The following TFG variants were observed in gnomAD, a reference collection of about 807,000 sequenced individuals.
The protein encoded by TFG is protein TFG.
A neutral mutation model predicts 51.4 loss-of-function variants in TFG; 22 were observed. The ratio of observed to expected loss-of-function variants is 0.43; its 90% CI spans 0.31 to 0.61. The LOEUF (loss-of-function observed/expected upper bound fraction) is 0.61. Ranked by LOEUF, TFG falls within the 20% of genes least tolerant of loss-of-function variation. The pLI, the probability that TFG is intolerant of heterozygous loss-of-function variation, is 0.12. For missense variants in TFG, 419 were observed against 487.7 expected (o/e 0.86, Z 1.33); for synonymous variants, 187 against 165.6 (o/e 1.13, Z -0.99).
chr3:100,733,388 T>G (rs1311368750), intron 5 of TFG, among the ~76,000 whole-genome samples: 1 of 152,206 alleles, frequency 6.6e-6, no homozygotes, highest in Admixed American at 6.5e-5. Flanking sequence ...GTGAATTGTT[T>G]AATTGTGCTT....
chr3:100,725,157 C>G (rs1017768376), intron 3 of TFG, among the ~76,000 whole-genome samples: 5 of 152,070 alleles, frequency 3.3e-5, no homozygotes, highest in African/African-American at 1.2e-4. Flanking sequence ...CTGCCTGCCT[C>G]GGCCTCCCAA....
chr3:100,735,603 C>T (rs1184587912), intron 5 of TFG, among the ~76,000 whole-genome samples: 1 of 152,180 alleles, frequency 6.6e-6, no homozygotes, highest in Non-Finnish European at 1.5e-5. Flanking sequence ...AGTCTAGCTC[C>T]AAAACCTATG....
intron 2 of TFG, among the ~76,000 whole-genome samples, chr3:100,715,726 A>ATT (rs879744191): frequency 1.4e-5 from 2 of 144,792 alleles, no homozygotes; most frequent in African/African-American, 2.5e-5. Flanking sequence ...TGATCAGTGA[A>ATT]TTTTTTTTTT....
intron 6 of TFG, chr3:100,743,961 A>G (rs1197050957): frequency 1.3e-5 from 2 of 152,214 alleles, no homozygotes; most frequent in South Asian, 2.1e-4. Flanking sequence ...TTGCTACTAG[A>G]TATTACATCT....
intron 3 of TFG, among the ~76,000 whole-genome samples, chr3:100,722,393 A>C (rs1309342403): frequency 6.6e-6 from 1 of 152,226 alleles, no homozygotes; most frequent in Non-Finnish European, 1.5e-5. Context: ...AGAGAAGTTG[A>C]AAATGAGAAC....
chr3:100,748,628 T>G lies in TFG; in HGVS notation c.*97T>G. The G allele has an allele frequency of 1.5e-6, 2 of 1,299,664 alleles. No homozygotes were observed. Among genetic ancestry groups the G allele is most frequent in the Non-Finnish European group, 2.1e-6 (2 of 972,884 alleles). 80.5% of individuals were successfully genotyped at this position (1,299,664 alleles called of 1,614,324 possible). ...TTTGTATTGAAGAAGTTCAGAAATT[T>G]AAAAGCAGAGCATTTTTTATGATAT... On this transcript the variant is annotated 3_prime_UTR_variant, in exon 8 of 8. Transcript: ENST00000240851.
intron 3 of TFG, among the ~76,000 whole-genome samples, chr3:100,725,507 G>A (rs959833126): frequency 2.2e-4 from 33 of 151,518 alleles, no homozygotes; most frequent in African/African-American, 7.0e-4. Context: ...GGCCAGGTGC[G>A]GTGGCTCACA....
chr3:100,744,891 TCCA>T lies in TFG; in HGVS notation c.783_785del (p.Pro262del). The T allele has an allele frequency of 6.2e-7, 1 of 1,613,694 alleles. No homozygotes were observed. The highest frequency in any genetic ancestry group is 8.5e-7 in the Non-Finnish European group (1 of 1,179,728). On this transcript the variant is annotated inframe_deletion, in exon 7 of 8. Coordinates refer to ENST00000240851, the MANE Select transcript of TFG (RefSeq NM_006070.6). ...GCTATGGTGCACAGCAGCCGCAGGCTCCACCTCAGCAGCCTCAACAGTATGGTA... is the reference window on the plus strand; with the variant it reads ...GCTATGGTGCACAGCAGCCGCAGGCTCCTCAGCAGCCTCAACAGTATGGTA...
chr3:100,731,778 C>CCT (rs1302179457), intron 4 of TFG, among the ~76,000 whole-genome samples: 1 of 152,010 alleles, frequency 6.6e-6, no homozygotes, highest in Non-Finnish European at 1.5e-5. Context: ...GAGCTCCTGA[C>CCT]CTCAAGTGAT....
At chr3:100,727,074 T>G (rs1271071710) in intron 3 of TFG, among the ~76,000 whole-genome samples, 2 of 152,188 alleles carry the variant, frequency 1.3e-5, no homozygotes, top group Non-Finnish European at 2.9e-5. Context: ...TGTCTGGAGT[T>G]TTGACATGGT....
chr3:100,715,816 C>T (rs977269774), intron 2 of TFG, among the ~76,000 whole-genome samples: 1 of 151,826 alleles, frequency 6.6e-6, no homozygotes, highest in African/African-American at 2.4e-5. Context: ...TAACTCCTGT[C>T]CCCAGGCAAT....
chr3:100,717,082 T>C (rs999929691), intron 2 of TFG, among the ~76,000 whole-genome samples: 3 of 152,218 alleles, frequency 2.0e-5, no homozygotes, highest in Admixed American at 6.5e-5. Context: ...GACTGCACTT[T>C]TGAGGTCTTA....
Position 100,732,494 on chromosome 3 carries a change from C to G in TFG, c.416-14C>G, listed in dbSNP as rs778916909. 3 of 1,584,514 alleles carry G rather than the reference C, an allele frequency of 1.9e-6. No individual in the cohort carries two copies. The East Asian group carries it at 6.8e-5, about 36-fold the overall frequency. ...AAAGGAAACAAGTTTTTGTTTATTC[C>G]TCTATTTTTACAGATACTGTGGATG... On this transcript the variant is annotated splice_polypyrimidine_tract_variant and intron_variant, in intron 4 of 7. Coordinates refer to ENST00000240851, the MANE Select transcript of TFG (RefSeq NM_006070.6).
At position 100,736,658 on chromosome 3, in the gene TFG, C is replaced by G. The variant is rs140669729; in HGVS notation, c.663C>G (p.Gly221=). 2 of 1,613,920 alleles carry G rather than the reference C, an allele frequency of 1.2e-6. No individual in the cohort carries two copies. The highest frequency in any genetic ancestry group is 1.7e-6 in the Non-Finnish European group (2 of 1,179,964). Residue 221 remains glycine, a synonymous_variant, in exon 6 of 8, where the codon GGC becomes GGG. Transcript: ENST00000240851. ...ASSSSAAHPP[G]VQPQQPPYTG... ...CCTCCTCAGCAGCTCACCCACCAGG[C>G]GTTCAGCCACAGCAGCCACCATATA...
At chr3:100,718,863 G>T (rs2095053515) in intron 2 of TFG, among the ~76,000 whole-genome samples, 1 of 152,008 alleles carries the variant, frequency 6.6e-6, no homozygotes, top group Non-Finnish European at 1.5e-5. Context: ...TGGCCAAAAA[G>T]TTTTTGATTG....
intron 2 of TFG, 145 bp downstream of exon 2, chr3:100,714,014 C>G: frequency 2.2e-6 from 1 of 448,998 alleles, no homozygotes; most frequent in East Asian, 3.5e-5. Context: ...AATCCTGCCT[C>G]GGCCTCCCAA....
At chr3:100,743,891 A>T (rs2095128189) in intron 6 of TFG, 1 of 152,130 alleles carries the variant, frequency 6.6e-6, no homozygotes, top group Non-Finnish European at 1.5e-5. Flanking sequence ...TCAAAGAATC[A>T]GCCAACATGT....
intron 4 of TFG, among the ~76,000 whole-genome samples, chr3:100,730,291 T>C (rs2095087920): frequency 6.6e-6 from 1 of 152,216 alleles, no homozygotes; most frequent in Admixed American, 6.5e-5. Flanking sequence ...GGTGAAACTT[T>C]TTCCTCACCT....
intron 3 of TFG, among the ~76,000 whole-genome samples, chr3:100,725,478 GA>G (rs2095072569): frequency 1.3e-5 from 2 of 151,418 alleles, no homozygotes; most frequent in Middle Eastern, 3.4e-3. Flanking sequence ...GAGCAAAGAT[GA>G]AAAAAATACT....
Sources: allele counts gnomAD v4.1 joint callset (sites outside exome capture counted in the v4.1 genomes callset), GRCh38; gene constraint gnomAD v4.1.1; transcripts MANE v1.5; gene names NCBI Gene and HGNC (gene_info 2026-07-23, HGNC 2026-07-21).